ANKRD30A: variants seen among roughly 807,000 people sequenced by gnomAD.
ANKRD30A encodes the protein ankyrin repeat domain 30A, also known as ankyrin repeat domain-containing protein 30A.
In ANKRD30A, 170 loss-of-function variants were observed where a neutral mutation model predicts 166.3. That is an observed-to-expected ratio of 1.02 (90% CI 0.90 to 1.16). The LOEUF (loss-of-function observed/expected upper bound fraction) is 1.16, where lower values mean the gene tolerates loss of function less well. Among genes scored for constraint, ANKRD30A ranks in the 50% most tolerant of loss-of-function variants. The pLI is 0.00. For synonymous variants in ANKRD30A, 564 were observed against 508.9 expected, an observed-to-expected ratio of 1.11 and a Z score of -1.46; for missense variants, 1,630 against 1,518.0, an observed-to-expected ratio of 1.07 and a Z score of -1.23.
chr10:37,201,379 G>C, intron 31 of ANKRD30A, 54 bp downstream of exon 31: 1 of 1,338,484 alleles, frequency 7.5e-7, no homozygotes, highest in African/African-American at 1.5e-5. Context: ...TCTCTAAAAT[G>C]ATGAGGAAGG....
At chr10:37,214,386 C>A (rs1366078179) in intron 31 of ANKRD30A, among the ~76,000 whole-genome samples, 1 of 151,134 alleles carries the variant, frequency 6.6e-6, no homozygotes, top group East Asian at 1.9e-4. Context: ...GTTTTTAGAC[C>A]ACTTTAATTT....
At chr10:37,152,632 G>A (rs1838039646) in intron 12 of ANKRD30A, among the ~76,000 whole-genome samples, 1 of 152,130 alleles carries the variant, frequency 6.6e-6, no homozygotes, top group Non-Finnish European at 1.5e-5. Context: ...AGAAAAGCAT[G>A]AGGAATAGGA....
chr10:37,125,759 C>G lies in ANKRD30A; in HGVS notation c.-29C>G. On this transcript the variant is annotated 5_prime_UTR_variant, in exon 1 of 36. Coordinates refer to ENST00000361713, the MANE Select transcript of ANKRD30A (RefSeq NM_052997.3). The stretch of plus-strand genomic sequence containing the variant: ...GGCTGGGAAGGGCGATCGGGAGGCG[C>G]GGGCACTCTCTAGCAGGTGGCCGCA... The G allele has an allele frequency of 1.7e-6, 1 of 595,922 alleles. No homozygotes were observed. The highest frequency in any genetic ancestry group is 2.8e-5 in the East Asian group (1 of 35,202). The allele number at this position is 595,922 out of a possible 1,614,324, so 36.9% of individuals were successfully genotyped here.
At chr10:37,155,707 T>C (rs1838316554) in intron 13 of ANKRD30A, among the ~76,000 whole-genome samples, 1 of 152,212 alleles carries the variant, frequency 6.6e-6, no homozygotes. Context: ...AAAAATCATA[T>C]ATAAATGGTT....
chr10:37,211,769 A>G (rs1842335424), intron 31 of ANKRD30A, among the ~76,000 whole-genome samples: 2 of 151,978 alleles, frequency 1.3e-5, no homozygotes, highest in Admixed American at 6.6e-5. Flanking sequence ...AAGCATTCCT[A>G]TTTCTCTACA....
chr10:37,164,946 A>G, intron 17 of ANKRD30A, 148 bp from the exon 18 acceptor site: 1 of 757,294 alleles, frequency 1.3e-6, no homozygotes, highest in Non-Finnish European at 2.2e-6. Flanking sequence ...GAATGACTAT[A>G]GAAGTAGTCA....
At chr10:37,249,038 G>A in the ANKRD30A span, among the ~76,000 whole-genome samples, 1 of 152,122 alleles carries the variant, frequency 6.6e-6, no homozygotes, top group Admixed American at 6.5e-5. Flanking sequence ...CATGATGCTG[G>A]TGGTCATGAC....
At chr10:37,126,238 T>C (rs1174796070) in intron 1 of ANKRD30A, among the ~76,000 whole-genome samples, 4 of 152,168 alleles carry the variant, frequency 2.6e-5, no homozygotes, top group East Asian at 3.9e-4. Flanking sequence ...CACCTTAAAA[T>C]CAACCCCAAA....
In ANKRD30A at chr10:37,162,841, G is replaced by A. The variant is rs568154205; in HGVS notation, c.1995G>A (p.Leu665=). The A allele has an allele frequency of 6.2e-6, 10 of 1,613,222 alleles. No individual in the cohort carries two copies. In the African/African-American group the frequency reaches 1.3e-4, roughly 22 times the overall value. ...KALELKNEQT[L]RADEILPSES... ...TGGAATTGAAAAATGAACAAACATT[G>A]AGAGCAGGTAAATTTTTCAATGTAA... Residue 665 remains leucine (L), a synonymous_variant, in exon 17 of 36, where the codon TTG becomes TTA. Transcript: ENST00000361713.
chr10:37,142,485 G>A (rs1391594311), intron 7 of ANKRD30A, among the ~76,000 whole-genome samples, 195 bp downstream of exon 7: 2 of 150,098 alleles, frequency 1.3e-5, no homozygotes, highest in African/African-American at 2.4e-5. Flanking sequence ...TCTTCTGGCC[G>A]TAAATGCTAG....
At chr10:37,256,919 G>A in the ANKRD30A span, among the ~76,000 whole-genome samples, 12,006 of 152,132 alleles carry the variant, frequency 0.079, 535 homozygotes, top group Middle Eastern at 0.11. Context: ...AATGAGTTGG[G>A]GAGGAGTCCT....
At chr10:37,199,579 G>A (rs1010662321) in intron 29 of ANKRD30A, 148 bp from the exon 30 acceptor site, 10 of 448,238 alleles carry the variant, frequency 2.2e-5, no homozygotes, top group African/African-American at 1.9e-4. Flanking sequence ...ATTGACTATA[G>A]GAAGTAGTCA....
chr10:37,192,059 CAG>C (rs1288172145), intron 25 of ANKRD30A, among the ~76,000 whole-genome samples: 4 of 151,982 alleles, frequency 2.6e-5, no homozygotes, highest in Non-Finnish European at 2.9e-5. Flanking sequence ...TTTTTAGAGA[CAG>C]AGTCTCGCTC....
At chr10:37,149,953 C>T (rs377558375) in intron 11 of ANKRD30A, 104 bp downstream of exon 11, 4 of 1,475,614 alleles carry the variant, frequency 2.7e-6, no homozygotes, top group Admixed American at 2.0e-5. Context: ...TTGATGAAAA[C>T]ATTTGATCTA....
intron 30 of ANKRD30A, among the ~76,000 whole-genome samples, chr10:37,200,839 C>G (rs1841565809): frequency 1.3e-5 from 2 of 152,028 alleles, no homozygotes; most frequent in Admixed American, 1.3e-4. Context: ...GCATATTTTA[C>G]ATGTTTAATG....
the ANKRD30A span, among the ~76,000 whole-genome samples, chr10:37,260,690 C>T: frequency 6.6e-6 from 1 of 152,138 alleles, no homozygotes; most frequent in Non-Finnish European, 1.5e-5. Context: ...ATGGGAAAAT[C>T]GGCAGGCCCA....
chr10:37,263,048 T>C, the ANKRD30A span, among the ~76,000 whole-genome samples: 1 of 152,122 alleles, frequency 6.6e-6, no homozygotes, highest in African/African-American at 2.4e-5. Flanking sequence ...TGATTAAAGA[T>C]TAAGTTTTAT....
chr10:37,241,649 A>T, the ANKRD30A span, among the ~76,000 whole-genome samples: 1 of 152,150 alleles, frequency 6.6e-6, no homozygotes, highest in African/African-American at 2.4e-5. Flanking sequence ...AACTGACATC[A>T]TTTTGGTATA....
At chr10:37,159,625 T>A (rs921591432) in intron 15 of ANKRD30A, among the ~76,000 whole-genome samples, 1 of 152,180 alleles carries the variant, frequency 6.6e-6, no homozygotes, top group Non-Finnish European at 1.5e-5. Context: ...TTTTCATGTC[T>A]TATAGGCTAT....
Sources: allele counts gnomAD v4.1 joint callset (sites outside exome capture counted in the v4.1 genomes callset), GRCh38; gene constraint gnomAD v4.1.1; transcripts MANE v1.5; gene names NCBI Gene and HGNC (gene_info 2026-07-23, HGNC 2026-07-21).